GRIA1: variants seen among roughly 807,000 people sequenced by gnomAD.
GRIA1 encodes the protein glutamate receptor 1.
A neutral mutation model predicts 99.2 loss-of-function variants in GRIA1; 31 were observed. The observed-to-expected ratio is 0.31, with a 90% confidence interval of 0.23 to 0.42. The LOEUF (loss-of-function observed/expected upper bound fraction) is 0.42. Ranked by LOEUF, GRIA1 falls within the 10% of genes least tolerant of loss-of-function variation. GRIA1 has a pLI of 1.00. For synonymous variants in GRIA1, 438 were observed against 432.4 expected (o/e 1.01, Z -0.16); for missense variants, 782 against 1,157.5 (o/e 0.68, Z 4.71).
At chr5:153,504,894 T>C (rs1755345548) in intron 2 of GRIA1, among the ~76,000 whole-genome samples, 2 of 152,180 alleles carry the variant, frequency 1.3e-5, no homozygotes, top group Non-Finnish European at 2.9e-5. Flanking sequence ...ACTCAAGCTA[T>C]TGTGCACAAA....
At chr5:153,618,881 A>G (rs1561696218) in intron 2 of GRIA1, among the ~76,000 whole-genome samples, 1 of 152,240 alleles carries the variant, frequency 6.6e-6, no homozygotes, top group Non-Finnish European at 1.5e-5. Flanking sequence ...AAGCATGTAT[A>G]GAAACTATTA....
At chr5:153,764,351 C>A in intron 11 of GRIA1, 83 bp from the exon 12 acceptor site, 2 of 1,021,564 alleles carry the variant, frequency 2.0e-6, no homozygotes, top group South Asian at 1.3e-5. Flanking sequence ...TGCTGCCAAG[C>A]CCCGGACCCG....
At chr5:153,645,423 T>G (rs1485131093) in intron 2 of GRIA1, among the ~76,000 whole-genome samples, 5 of 152,176 alleles carry the variant, frequency 3.3e-5, no homozygotes, top group African/African-American at 1.2e-4. Flanking sequence ...ACTGGTTAAT[T>G]GCATTCTTTA....
At chr5:153,728,127 T>C (rs1343719557) in intron 11 of GRIA1, among the ~76,000 whole-genome samples, 1 of 151,744 alleles carries the variant, frequency 6.6e-6, no homozygotes, top group Non-Finnish European at 1.5e-5. Flanking sequence ...AAATAAGCAA[T>C]GGGGAAAGGA....
chr5:153,527,123 T>C lies in GRIA1; in HGVS notation c.220+33058T>C, dbSNP rs1757670350. The stretch of plus-strand genomic sequence containing the variant: ...GTGCCATATGCCTTCGTGATGCTGA[T>C]CATAATCTTGAGAACACAATCCTGA... On this transcript the variant is annotated intron_variant, in intron 2 of 15. Coordinates refer to ENST00000285900, the MANE Select transcript of GRIA1 (RefSeq NM_000827.4). Among the ~76,000 whole-genome samples, 7 of 152,178 alleles carry C rather than the reference T, an allele frequency of 4.6e-5. 1 individual carries two copies. Among genetic ancestry groups the C allele is most frequent in the Admixed American group, 4.6e-4 (7 of 15,274 alleles).
chr5:153,489,749 C>T (rs1201512282), upstream of GRIA1: 2 of 455,884 alleles, frequency 4.4e-6, no homozygotes, highest in African/African-American at 4.0e-5. Context: ...CCAGCTTACA[C>T]CAGACATGAC....
chr5:153,801,571 A>T (rs1033877062), intron 14 of GRIA1, among the ~76,000 whole-genome samples: 2 of 152,200 alleles, frequency 1.3e-5, no homozygotes, highest in African/African-American at 4.8e-5. Context: ...CCAGTGTAAG[A>T]TCTTTTATCT....
intron 2 of GRIA1, among the ~76,000 whole-genome samples, chr5:153,628,496 T>G (rs1219337890): frequency 1.3e-5 from 2 of 152,214 alleles, no homozygotes; most frequent in African/African-American, 4.8e-5. Flanking sequence ...GTAATGCAAG[T>G]GTTTAAGTAC....
chr5:153,673,439 A>C (rs1243911440), intron 5 of GRIA1, among the ~76,000 whole-genome samples: 1 of 152,208 alleles, frequency 6.6e-6, no homozygotes, highest in East Asian at 1.9e-4. Context: ...TCCCCACTAG[A>C]ATATAAGCTC....
At chr5:153,563,274 G>T (rs1470916331) in intron 2 of GRIA1, among the ~76,000 whole-genome samples, 1 of 151,904 alleles carries the variant, frequency 6.6e-6, no homozygotes, top group Admixed American at 6.6e-5. Flanking sequence ...GACAGTATTT[G>T]GTTTTGTGCC....
At chr5:153,690,242 G>A (rs1757648177) in intron 8 of GRIA1, among the ~76,000 whole-genome samples, 1 of 151,372 alleles carries the variant, frequency 6.6e-6, no homozygotes, top group South Asian at 2.1e-4. Context: ...GAAGATGGAA[G>A]TAAAAGGAAT....
chr5:153,716,894 G>T (rs1281989100), intron 11 of GRIA1, among the ~76,000 whole-genome samples: 1 of 152,214 alleles, frequency 6.6e-6, no homozygotes, highest in African/African-American at 2.4e-5. Context: ...GTGCAAATGT[G>T]ATAAGATGTG....
chr5:153,579,844 G>A (rs2149373729), intron 2 of GRIA1, among the ~76,000 whole-genome samples: 1 of 151,514 alleles, frequency 6.6e-6, no homozygotes, highest in African/African-American at 2.4e-5. Context: ...TCTGTATCAA[G>A]ACCCCTCAGC....
chr5:153,695,561 A>G lies in GRIA1; in HGVS notation c.1135-2483A>G, dbSNP rs538860013. On this transcript the variant is annotated intron_variant, in intron 8 of 15. Transcript: ENST00000285900. ...GCAAAAGCAAGGGAACTGAGACCAC[A>G]CTGTCTTGAGCAAATTCTGTGGTCT... Among the ~76,000 whole-genome samples, 4 of 152,290 alleles carry G rather than the reference A, an allele frequency of 2.6e-5. No homozygotes were observed. The South Asian group carries it at 8.3e-4, about 32-fold the overall frequency.
intron 2 of GRIA1, among the ~76,000 whole-genome samples, chr5:153,538,990 A>G (rs1324199063): frequency 1.3e-5 from 2 of 152,176 alleles, no homozygotes; most frequent in African/African-American, 4.8e-5. Context: ...TTCTGTCAAT[A>G]TCTTCCTTGG....
chr5:153,724,345 C>T, intron 11 of GRIA1, among the ~76,000 whole-genome samples: 1 of 152,078 alleles, frequency 6.6e-6, no homozygotes, highest in Non-Finnish European at 1.5e-5. Flanking sequence ...AGCACCTCTC[C>T]TCCTCCAAAG....
chr5:153,528,152 G>A (rs1343928109), intron 2 of GRIA1, among the ~76,000 whole-genome samples: 1 of 151,968 alleles, frequency 6.6e-6, no homozygotes, highest in East Asian at 1.9e-4. Flanking sequence ...TGTGTTCTTT[G>A]CATTTTTATG....
intron 13 of GRIA1, among the ~76,000 whole-genome samples, chr5:153,778,693 G>C (rs1020674141): frequency 7.2e-6 from 1 of 139,470 alleles, no homozygotes; most frequent in East Asian, 2.0e-4. Context: ...ACACATACAC[G>C]CACACACACA....
intron 8 of GRIA1, among the ~76,000 whole-genome samples, chr5:153,687,106 C>T (rs531418561): frequency 2.0e-4 from 30 of 152,296 alleles, no homozygotes; most frequent in African/African-American, 7.2e-4. Flanking sequence ...TGTCATTCCC[C>T]AACGAAGCCT....
Sources: allele counts gnomAD v4.1 joint callset (sites outside exome capture counted in the v4.1 genomes callset), GRCh38; gene constraint gnomAD v4.1.1; transcripts MANE v1.5; gene names NCBI Gene and HGNC (gene_info 2026-07-23, HGNC 2026-07-21).